NF1: variants seen among roughly 807,000 people sequenced by gnomAD.
NF1 encodes neurofibromin 1.
A neutral mutation model predicts 325.7 loss-of-function variants in NF1; 122 were observed. That is an observed-to-expected ratio of 0.37 (90% CI 0.32 to 0.44). The LOEUF (loss-of-function observed/expected upper bound fraction) is 0.44, where lower values mean the gene tolerates loss of function less well. Among genes scored for constraint, NF1 ranks in the 20% least tolerant of loss-of-function variants. The pLI, the probability that NF1 is intolerant of heterozygous loss-of-function variation, is 1.00. For synonymous variants in NF1, 1,091 were observed against 1,186.0 expected (o/e 0.92, Z 1.65); for missense variants, 2,140 against 3,415.4 (o/e 0.63, Z 9.31).
intron 8 of NF1, among the ~76,000 whole-genome samples, chr17:31,188,912 G>A (rs1209581515): frequency 6.6e-6 from 1 of 152,172 alleles, no homozygotes; most frequent in Non-Finnish European, 1.5e-5. Context: ...CCTGCAGACA[G>A]CCTATTGTGG....
At chr17:31,370,291 TTTAA>T (rs1245476566) in intron 57 of NF1, among the ~76,000 whole-genome samples, 1 of 152,206 alleles carries the variant, frequency 6.6e-6, no homozygotes, top group Non-Finnish European at 1.5e-5. Context: ...CTTTTACATT[TTTAA>T]TTAATGTGCT....
rs200366665 is a variant in NF1, at chr17:31,236,050, G to GTT, written c.3974+34_3974+35dup. ...TGTCATCTTTTCACATAGAACCGCT[G>GTT]TTTTTTGTTTTTTTTTTTTTGTTTG... On this transcript the variant is annotated intron_variant, in intron 29 of 57. Transcript: ENST00000358273. The GTT allele has an allele frequency of 1.4e-6, 2 of 1,397,660 alleles. No homozygotes were observed. Among genetic ancestry groups the GTT allele is most frequent in the Non-Finnish European group, 2.0e-6 (2 of 1,022,796 alleles). 86.6% of individuals were successfully genotyped at this position (1,397,660 alleles called of 1,614,324 possible). A position where few individuals can be genotyped will look rare whatever the true frequency, so the allele number is the denominator to read the frequency against.
At chr17:31,235,801 G>A (rs1302834451) in intron 28 of NF1, 29 bp downstream of exon 28, 1 of 1,613,752 alleles carries the variant, frequency 6.2e-7, no homozygotes, top group African/African-American at 1.3e-5. Flanking sequence ...GTGTGTATGT[G>A]TGTGCTGAGG....
intron 12 of NF1, among the ~76,000 whole-genome samples, chr17:31,207,467 T>C (rs1029063975): frequency 6.6e-6 from 1 of 152,186 alleles, no homozygotes; most frequent in African/African-American, 2.4e-5. Context: ...CAGTTGTCAG[T>C]AATTATTTCT....
chr17:31,226,427 ACT>A lies in NF1; in HGVS notation c.2002-4_2002-3del, dbSNP rs786203664. ...TGCAAATATATGTCTTCCACCCTTG[ACT>A]CTCAGGATAGTGCAGCAGGATGCAG... is the stretch of plus-strand genomic sequence containing the variant. On this transcript the variant is annotated splice_polypyrimidine_tract_variant and splice_region_variant and intron_variant, in intron 17 of 57. Coordinates refer to ENST00000358273, the MANE Select transcript of NF1 (RefSeq NM_001042492.3). 7.4e-6 allele frequency: 12 copies of A among 1,612,076 alleles called. No individual in the cohort carries two copies. Among genetic ancestry groups the A allele is most frequent in the Non-Finnish European group, 1.0e-5 (12 of 1,179,548 alleles).
intron 36 of NF1, among the ~76,000 whole-genome samples, chr17:31,288,517 G>A (rs1453436415): frequency 8.8e-6 from 1 of 113,732 alleles, no homozygotes; most frequent in Non-Finnish European, 1.7e-5. Flanking sequence ...AGTTTTTTTT[G>A]CTTTGTTTTT....
chr17:31,102,541 A>G lies in NF1; in HGVS notation c.60+7172A>G, dbSNP rs934590273. Among the ~76,000 whole-genome samples the G allele has an allele frequency of 5.3e-5, 8 of 152,080 alleles. No individual in the cohort carries two copies. In the East Asian group the frequency reaches 1.6e-3, roughly 30 times the overall value. ...GAGGACTGCTTGAGGCCTTGAATTC[A>G]AGACCAGGCTGTGCAACATAGTGAG... On this transcript the variant is annotated intron_variant, in intron 1 of 57. Transcript: ENST00000358273.
At chr17:31,300,231 C>T (rs574906471) in intron 36 of NF1, among the ~76,000 whole-genome samples, 4 of 152,076 alleles carry the variant, frequency 2.6e-5, no homozygotes, top group African/African-American at 7.2e-5. Flanking sequence ...AATGTATATT[C>T]AGATAAATCT....
chr17:31,286,674 G>A (rs2151490437), intron 36 of NF1, among the ~76,000 whole-genome samples: 1 of 152,282 alleles, frequency 6.6e-6, no homozygotes, highest in Admixed American at 6.5e-5. Flanking sequence ...AGTATTTAAT[G>A]TCTAAATAAT....
chr17:31,349,007 G>A (rs1355427188), intron 48 of NF1, 113 bp from the exon 49 acceptor site: 1 of 1,338,312 alleles, frequency 7.5e-7, no homozygotes, highest in Non-Finnish European at 1.0e-6. Flanking sequence ...GAAAGTAGGA[G>A]TTATATTTCC....
chr17:31,256,423 G>A lies in NF1; in HGVS notation c.4174-1921G>A, dbSNP rs1409038889. ...CAGAGTGCTGGGATTACAGGCATGA[G>A]CCACCACGCCCAGCCAGAGAATTGT... On this transcript the variant is annotated intron_variant, in intron 31 of 57. Coordinates refer to ENST00000358273, the MANE Select transcript of NF1 (RefSeq NM_001042492.3). 6.6e-5 allele frequency among the ~76,000 whole-genome samples: 10 copies of A among 152,204 alleles called. No homozygotes were observed. In the East Asian group the frequency reaches 1.7e-3, roughly 26 times the overall value.
chr17:31,327,490 A>G lies in NF1; in HGVS notation c.5269-9A>G, dbSNP rs544515671. The G allele has an allele frequency of 4.3e-5, 69 of 1,609,432 alleles. No homozygotes were observed. The Admixed American group carries it at 6.5e-4, about 15-fold the overall frequency. ...TTCTCCACTTCACCCCGTCACCACC[A>G]CTTTCCAGGTTGGTTCTACTGCTGT... On this transcript the variant is annotated splice_polypyrimidine_tract_variant and intron_variant, in intron 37 of 57. Transcript: ENST00000358273.
chr17:31,288,923 C>T (rs2068295556), intron 36 of NF1, among the ~76,000 whole-genome samples: 1 of 152,096 alleles, frequency 6.6e-6, no homozygotes, highest in South Asian at 2.1e-4. Flanking sequence ...GACTTTGAAG[C>T]TGTAACTTTG....
At chr17:31,209,549 A>G (rs1445326692) in intron 12 of NF1, among the ~76,000 whole-genome samples, 1 of 152,204 alleles carries the variant, frequency 6.6e-6, no homozygotes, top group African/African-American at 2.4e-5. Flanking sequence ...CCCTGCAGAT[A>G]TTTGAATAAG....
rs1333741084 is a variant in NF1 at position 31,350,196 on chromosome 17, G to C, written c.7335G>C (p.Val2445=). ...TTTTCCTTTTAGCTTTACTTACAGT[G>C]TCTGAAGAAGTTCGAAGTCGCTGCA... ...SVAYLAALLT[V]SEEVRSRCSL... Residue 2445 remains valine (V), a synonymous_variant, in exon 50 of 58, where the codon GTG becomes GTC. Coordinates refer to ENST00000358273, the MANE Select transcript of NF1 (RefSeq NM_001042492.3). 6.2e-7 allele frequency: 1 copy of C among 1,613,848 alleles called. No homozygotes were observed. Among genetic ancestry groups the C allele is most frequent in the South Asian group, 1.1e-5 (1 of 91,086 alleles).
intron 13 of NF1, among the ~76,000 whole-genome samples, chr17:31,217,774 G>A (rs1209728834): frequency 6.6e-6 from 1 of 151,356 alleles, no homozygotes; most frequent in South Asian, 2.1e-4. Flanking sequence ...AGACCAGCCT[G>A]GCCAACATGG....
In NF1 at chr17:31,181,422, A is replaced by T; in HGVS notation, c.587A>T (p.Glu196Val). ...DCAKLKRLLKETAFKFKALKK... is the reference protein window; with the variant it reads ...DCAKLKRLLKVTAFKFKALKK... Reference sequence around the variant, plus strand: ...TTTTTAAAAATTGTGTTTTTTCCAGAAACAGCATTTAAATTTAAAGCCCTA... The same window carrying T: ...TTTTTAAAAATTGTGTTTTTTCCAGTAACAGCATTTAAATTTAAAGCCCTA... Residue 196 changes from glutamate (E) to valine (V), a missense_variant and splice_region_variant, in exon 6 of 58, where the codon GAA (glutamate) becomes GTA (valine). Around this residue, in one of 10 missense-constraint regions of NF1, gnomAD observed 246 missense variants for 347.8 expected, o/e 0.71. Transcript: ENST00000358273. The T allele has an allele frequency of 6.2e-7, 1 of 1,612,942 alleles. No homozygotes were observed. The highest frequency in any genetic ancestry group is 1.1e-5 in the South Asian group (1 of 90,894).
At chr17:31,353,500 G>A (rs772036060) in intron 51 of NF1, among the ~76,000 whole-genome samples, 18 of 152,172 alleles carry the variant, frequency 1.2e-4, no homozygotes, top group Non-Finnish European at 1.8e-4. Context: ...GCATGGTGAC[G>A]AGCACCTCTA....
intron 1 of NF1, among the ~76,000 whole-genome samples, chr17:31,139,641 T>C (rs1916069495): frequency 6.6e-6 from 1 of 152,216 alleles, no homozygotes; most frequent in Non-Finnish European, 1.5e-5. Context: ...TCTAAATGTA[T>C]GTCTTTTCTT....
Sources: allele counts gnomAD v4.1 joint callset (sites outside exome capture counted in the v4.1 genomes callset), GRCh38; gene constraint gnomAD v4.1.1; regional missense constraint gnomAD v4.1.1; transcripts MANE v1.5; gene names NCBI Gene and HGNC (gene_info 2026-07-23, HGNC 2026-07-21).